The following NUCB2 variants were observed in gnomAD, a reference collection of about 807,000 sequenced individuals.
The protein encoded by NUCB2 is nucleobindin-2.
In NUCB2, 48 loss-of-function variants were observed where a neutral mutation model predicts 57.9. That is an observed-to-expected ratio of 0.83 (90% CI 0.66 to 1.05). NUCB2 has a LOEUF of 1.05. Among genes scored for constraint, NUCB2 ranks in the 50% least tolerant of loss-of-function variants. The pLI, the probability that NUCB2 is intolerant of heterozygous loss-of-function variation, is 0.00. For missense variants in NUCB2, 442 were observed against 476.2 expected (o/e 0.93, Z 0.67); for synonymous variants, 139 against 152.1 (o/e 0.91, Z 0.64).
chr11:17,293,308 C>T (rs1180472005), intron 2 of NUCB2, among the ~76,000 whole-genome samples: 1 of 150,716 alleles, frequency 6.6e-6, no homozygotes, highest in Non-Finnish European at 1.5e-5. Context: ...TACACACACA[C>T]ACTCATGTAT....
intron 2 of NUCB2, among the ~76,000 whole-genome samples, chr11:17,284,966 C>T (rs1943376321): frequency 6.6e-6 from 1 of 152,036 alleles, no homozygotes; most frequent in South Asian, 2.1e-4. Context: ...ATAGTCATTA[C>T]TTAATACATA....
chr11:17,349,762 T>A (rs1434784707), exon 3 of NUCB2: 1 of 152,226 alleles, frequency 6.6e-6, no homozygotes, highest in Non-Finnish European at 1.5e-5. Context: ...CCTGGATACA[T>A]GTCTTTGAGT....
At chr11:17,288,478 C>T (rs1368792574) in intron 2 of NUCB2, among the ~76,000 whole-genome samples, 1 of 151,948 alleles carries the variant, frequency 6.6e-6, no homozygotes, top group Non-Finnish European at 1.5e-5. Flanking sequence ...CAGGTGCAAG[C>T]CACTGCACCC....
Position 17,312,047 on chromosome 11 carries a change from C to G in NUCB2, c.839C>G (p.Pro280Arg). Residue 280 changes from proline (P) to arginine (R), a missense_variant, in exon 10 of 14, where the codon CCT (proline) becomes CGT (arginine). Coordinates refer to ENST00000529010, the MANE Select transcript of NUCB2 (RefSeq NM_005013.4). ...FTKELEKVYD[P>R]KNEEDDMVEM... ...TTTTAGTTGGAGAAAGTATATGACC[C>G]TAAAAATGAAGAGGATGATATGGTA... is the stretch of plus-strand genomic sequence containing the variant. 1 of 1,585,486 alleles carries G rather than the reference C, an allele frequency of 6.3e-7. No individual in the cohort carries two copies. Among genetic ancestry groups the G allele is most frequent in the Non-Finnish European group, 8.6e-7 (1 of 1,167,288 alleles).
chr11:17,329,130 T>C (rs974218712), intron 11 of NUCB2, among the ~76,000 whole-genome samples: 3 of 152,118 alleles, frequency 2.0e-5, no homozygotes, highest in Non-Finnish European at 4.4e-5. Flanking sequence ...CTGCCTGGTG[T>C]CCTATCCTAC....
At chr11:17,314,885 C>T (rs945560191) in intron 10 of NUCB2, among the ~76,000 whole-genome samples, 1 of 152,158 alleles carries the variant, frequency 6.6e-6, no homozygotes, top group African/African-American at 2.4e-5. Context: ...AACAGCTGTA[C>T]AAGAGGATTT....
intron 11 of NUCB2, 55 bp downstream of exon 11, chr11:17,315,530 T>C: frequency 9.6e-7 from 1 of 1,038,574 alleles, no homozygotes; most frequent in South Asian, 1.4e-5. Context: ...TACATCAGTC[T>C]ATTCTACTTT....
chr11:17,296,063 A>G, intron 3 of NUCB2, 41 bp from the exon 4 acceptor site: 1 of 1,262,248 alleles, frequency 7.9e-7, no homozygotes. Flanking sequence ...CAAACAAGGA[A>G]AAACCTGCAG....
downstream of NUCB2, among the ~76,000 whole-genome samples, chr11:17,336,467 A>T (rs1951805689): frequency 6.6e-6 from 1 of 151,966 alleles, no homozygotes; most frequent in East Asian, 1.9e-4. Context: ...CACTAAAGAC[A>T]ATTTAGAACT....
chr11:17,286,726 T>C (rs214108), intron 2 of NUCB2: 45,382 of 152,066 alleles, frequency 0.3, 7,345 homozygotes, highest in South Asian at 0.39. Context: ...AGGTTAGTTC[T>C]CCTTCTTCCT....
At chr11:17,345,402 G>A (rs1316125262) in intron 2 of NUCB2, among the ~76,000 whole-genome samples, 4 of 152,138 alleles carry the variant, frequency 2.6e-5, no homozygotes, top group Admixed American at 2.6e-4. Context: ...CAATTTAAAT[G>A]TTGAATTAAA....
chr11:17,336,583 T>G (rs1951815601), downstream of NUCB2, among the ~76,000 whole-genome samples: 1 of 151,144 alleles, frequency 6.6e-6, no homozygotes, highest in African/African-American at 2.4e-5. Context: ...TGAAACCCCG[T>G]CTCTACTAAA....
downstream of NUCB2, chr11:17,334,005 T>C (rs1175709276): frequency 6.6e-6 from 1 of 152,228 alleles, no homozygotes; most frequent in African/African-American, 2.4e-5. Flanking sequence ...TTCGTCTCTG[T>C]GGCAGGAAGT....
chr11:17,301,994 G>GTAAAAC, intron 5 of NUCB2, 124 bp downstream of exon 5: 1 of 701,280 alleles, frequency 1.4e-6, no homozygotes, highest in Non-Finnish European at 2.3e-6. Context: ...TGACCACCTG[G>GTAAAAC]GCTCAAGTGA....
chr11:17,349,788 A>G (rs1008561860), exon 3 of NUCB2: 12 of 152,136 alleles, frequency 7.9e-5, no homozygotes, highest in Non-Finnish European at 1.6e-4. Flanking sequence ...TCCCTTATTT[A>G]CCATTCTGAT....
At chr11:17,345,485 G>A (rs1024723059) in intron 2 of NUCB2, among the ~76,000 whole-genome samples, 2 of 152,170 alleles carry the variant, frequency 1.3e-5, no homozygotes, top group Admixed American at 6.5e-5. Flanking sequence ...AAGGCGGGTG[G>A]ATCACGAGGT....
intron 1 of NUCB2, among the ~76,000 whole-genome samples, chr11:17,281,844 A>G (rs1033389402): frequency 6.6e-6 from 1 of 151,844 alleles, no homozygotes; most frequent in African/African-American, 2.4e-5. Context: ...AAATTTGAAA[A>G]TATTTTATTT....
intron 2 of NUCB2, among the ~76,000 whole-genome samples, chr11:17,337,813 T>C (rs1250949501): frequency 1.3e-5 from 2 of 152,048 alleles, no homozygotes; most frequent in Admixed American, 6.6e-5. Flanking sequence ...TTTTATATTT[T>C]TAGTAGAGAC....
intron 11 of NUCB2, among the ~76,000 whole-genome samples, chr11:17,328,051 T>C (rs1950915460): frequency 6.6e-6 from 1 of 152,078 alleles, no homozygotes; most frequent in African/African-American, 2.4e-5. Flanking sequence ...ACACTCTGGG[T>C]TTGTTTGTGC....
Sources: allele counts gnomAD v4.1 joint callset (sites outside exome capture counted in the v4.1 genomes callset), GRCh38; gene constraint gnomAD v4.1.1; transcripts MANE v1.5; gene names NCBI Gene and HGNC (gene_info 2026-07-23, HGNC 2026-07-21).